Variants in UBE3C observed in about 807,000 individuals in gnomAD.
UBE3C encodes the protein ubiquitin-protein ligase E3C.
Under a neutral mutation model 129.4 loss-of-function variants are expected in UBE3C, and 42 were observed. The observed-to-expected ratio is 0.32, with a 90% CI of 0.25 to 0.42. The LOEUF is 0.42. Among genes scored for constraint, UBE3C ranks in the 10% least tolerant of loss-of-function variants. The probability of loss-of-function intolerance (pLI) is 1.00; values close to 1 mark genes in which losing one functional copy is unlikely to be tolerated. For missense variants in UBE3C, 1,049 were observed against 1,319.1 expected (o/e 0.80, Z 3.17); for synonymous variants, 510 against 492.4 (o/e 1.04, Z -0.47).
At chr7:157,226,627 A>G (rs1376041642) in intron 17 of UBE3C, among the ~76,000 whole-genome samples, 1 of 152,082 alleles carries the variant, frequency 6.6e-6, no homozygotes, top group Non-Finnish European at 1.5e-5. Context: ...ATTTCTAATA[A>G]TTTTTATTGC....
chr7:157,218,917 ATC>A (rs1795660079), intron 14 of UBE3C, among the ~76,000 whole-genome samples: 1 of 152,194 alleles, frequency 6.6e-6, no homozygotes, highest in Admixed American at 6.5e-5. Context: ...CAAAGGAACC[ATC>A]TCATTATTTT....
chr7:157,259,931 G>A (rs2116706360), intron 22 of UBE3C, among the ~76,000 whole-genome samples: 1 of 152,280 alleles, frequency 6.6e-6, no homozygotes, highest in South Asian at 2.1e-4. Context: ...AACTGGAGTT[G>A]GGACCCAGTA....
intron 1 of UBE3C, among the ~76,000 whole-genome samples, chr7:157,143,898 G>A (rs1346867910): frequency 6.6e-6 from 1 of 152,198 alleles, no homozygotes; most frequent in Non-Finnish European, 1.5e-5. Flanking sequence ...CATTTAATAT[G>A]TGTGGGAGTT....
At chr7:157,165,457 G>T (rs377548530) in intron 2 of UBE3C, among the ~76,000 whole-genome samples, 6 of 150,340 alleles carry the variant, frequency 4.0e-5, no homozygotes, top group African/African-American at 1.5e-4. Flanking sequence ...GACTGCAGTG[G>T]CACGATCTCA....
At chr7:157,161,516 A>G (rs1007096499) in intron 1 of UBE3C, among the ~76,000 whole-genome samples, 7 of 151,596 alleles carry the variant, frequency 4.6e-5, no homozygotes, top group African/African-American at 9.7e-5. Context: ...CAGTGGCACA[A>G]TCTCGGCTCA....
At chr7:157,201,896 C>A (rs1166354180) in intron 11 of UBE3C, 89 bp downstream of exon 11, 13 of 1,030,448 alleles carry the variant, frequency 1.3e-5, no homozygotes, top group Non-Finnish European at 1.9e-5. Context: ...GTTTTTAAGT[C>A]CTGTTTATAC....
At chr7:157,172,738 A>T (rs924237388) in intron 4 of UBE3C, among the ~76,000 whole-genome samples, 9 of 152,208 alleles carry the variant, frequency 5.9e-5, no homozygotes, top group Non-Finnish European at 1.3e-4. Context: ...ACAACGGCAG[A>T]TAATCGGGCT....
chr7:157,161,205 G>A (rs1212204033), intron 1 of UBE3C, among the ~76,000 whole-genome samples: 2 of 152,184 alleles, frequency 1.3e-5, no homozygotes, highest in Non-Finnish European at 2.9e-5. Flanking sequence ...GTGGATAATT[G>A]TATCTGCTTA....
At chr7:157,208,166 C>G (rs1272802490) in intron 13 of UBE3C, among the ~76,000 whole-genome samples, 1 of 142,788 alleles carries the variant, frequency 7.0e-6, no homozygotes, top group Admixed American at 7.8e-5. Flanking sequence ...CCTTGAACTC[C>G]TGGGATCAAG....
intron 18 of UBE3C, among the ~76,000 whole-genome samples, chr7:157,236,682 AG>A (rs1563068996): frequency 1.3e-5 from 2 of 152,112 alleles, no homozygotes; most frequent in East Asian, 3.9e-4. Flanking sequence ...TAGTCCTTAA[AG>A]GGGCAGAGCT....
At chr7:157,200,505 A>G (rs17719085) in intron 10 of UBE3C, among the ~76,000 whole-genome samples, 6,998 of 152,328 alleles carry the variant, frequency 0.046, 216 homozygotes, top group Non-Finnish European at 0.071. Context: ...TGATTACACA[A>G]TTGTGGCTAG....
chr7:157,234,549 G>A (rs1229325180), intron 18 of UBE3C, among the ~76,000 whole-genome samples: 1 of 152,182 alleles, frequency 6.6e-6, no homozygotes, highest in South Asian at 2.1e-4. Context: ...GAAGGAATCA[G>A]TCTATCCTGG....
chr7:157,167,881 C>A (rs1173879577), intron 2 of UBE3C, among the ~76,000 whole-genome samples: 1 of 152,132 alleles, frequency 6.6e-6, no homozygotes, highest in Non-Finnish European at 1.5e-5. Context: ...GGCTGTCCAA[C>A]AGCAGTAGCA....
At position 157,201,821 on chromosome 7, in the gene UBE3C, A is replaced by C. The variant is rs1296222636; in HGVS notation, c.1418+14A>C. On this transcript the variant is annotated intron_variant, in intron 11 of 22. Coordinates refer to ENST00000348165, the MANE Select transcript of UBE3C (RefSeq NM_014671.3). ...GATGATCACAGGGTATGTATTATACAGACTTATAAATTGAGCTCAAGGGCA... is the reference window on the plus strand; with the variant it reads ...GATGATCACAGGGTATGTATTATACCGACTTATAAATTGAGCTCAAGGGCA... 6.3e-7 allele frequency: 1 copy of C among 1,593,170 alleles called. No homozygotes were observed. The highest frequency in any genetic ancestry group is 8.5e-7 in the Non-Finnish European group (1 of 1,169,782).
rs1807350880 is a variant in UBE3C at position 157,139,196 on chromosome 7, C to T, written c.-77C>T. 4 of 1,133,698 alleles carry T rather than the reference C, an allele frequency of 3.5e-6. No individual in the cohort carries two copies. The highest frequency in any genetic ancestry group is 4.4e-6 in the Non-Finnish European group (4 of 911,716). 70.2% of individuals were successfully genotyped at this position (1,133,698 alleles called of 1,614,324 possible). ...GGCCGGGCGGGCGGGCGCCGAGAGC[C>T]TCCCAGCCCGCCCCGTGCCCCGCCC... On this transcript the variant is annotated 5_prime_UTR_variant, in exon 1 of 23. Transcript: ENST00000348165.
intron 11 of UBE3C, among the ~76,000 whole-genome samples, chr7:157,206,290 T>A (rs1809431223): frequency 6.6e-6 from 1 of 152,170 alleles, no homozygotes; most frequent in Non-Finnish European, 1.5e-5. Context: ...GGAAACGGAG[T>A]CTCGCCCTGT....
intron 14 of UBE3C, among the ~76,000 whole-genome samples, chr7:157,219,384 A>C (rs1795673604): frequency 6.6e-6 from 1 of 152,204 alleles, no homozygotes; most frequent in African/African-American, 2.4e-5. Flanking sequence ...TCACTTCTGC[A>C]GTGAAAAGCA....
chr7:157,150,327 T>C (rs1807722392), intron 1 of UBE3C, among the ~76,000 whole-genome samples: 1 of 151,760 alleles, frequency 6.6e-6, no homozygotes, highest in African/African-American at 2.4e-5. Flanking sequence ...TGCAGTGAGC[T>C]GAGATCATAC....
At chr7:157,202,723 A>G (rs938175305) in intron 11 of UBE3C, among the ~76,000 whole-genome samples, 6 of 152,198 alleles carry the variant, frequency 3.9e-5, no homozygotes, top group Non-Finnish European at 7.3e-5. Context: ...GAAGTGTGTA[A>G]TTCAGTTAAT....
Sources: allele counts gnomAD v4.1 joint callset (sites outside exome capture counted in the v4.1 genomes callset), GRCh38; gene constraint gnomAD v4.1.1; transcripts MANE v1.5; gene names NCBI Gene and HGNC (gene_info 2026-07-23, HGNC 2026-07-21).